EDIL3: variants seen among roughly 807,000 people sequenced by gnomAD.
The protein encoded by EDIL3 is EGF like and discoidin domains 3.
EDIL3 carries 37 observed loss-of-function variants against 67.4 expected under a neutral mutation model. That is an observed-to-expected ratio of 0.55 (90% CI 0.42 to 0.72). The LOEUF (loss-of-function observed/expected upper bound fraction) is 0.72, where lower values mean the gene tolerates loss of function less well. Ranked by LOEUF, EDIL3 falls within the 30% of genes least tolerant of loss-of-function variation. The pLI is 0.00. For synonymous variants in EDIL3, 195 were observed against 196.3 expected (o/e 0.99, Z 0.05); for missense variants, 527 against 586.3 (o/e 0.90, Z 1.04).
At chr5:84,036,681 T>C (rs1746028125) in intron 9 of EDIL3, among the ~76,000 whole-genome samples, 2 of 152,182 alleles carry the variant, frequency 1.3e-5, no homozygotes, top group Admixed American at 1.3e-4. Context: ...CTTGAGGGAT[T>C]CTAGCACAAT....
intron 9 of EDIL3, among the ~76,000 whole-genome samples, chr5:84,053,563 A>G (rs2112227498): frequency 6.6e-6 from 1 of 152,320 alleles, no homozygotes; most frequent in African/African-American, 2.4e-5. Flanking sequence ...GACCGCTAGC[A>G]AGACTAATAA....
intron 1 of EDIL3, among the ~76,000 whole-genome samples, chr5:84,352,211 T>C (rs1359452575): frequency 1.3e-5 from 2 of 152,172 alleles, no homozygotes; most frequent in African/African-American, 2.4e-5. Flanking sequence ...ACAACCTTTA[T>C]GGAAGACACT....
chr5:84,186,695 T>C (rs1161122926), intron 3 of EDIL3, among the ~76,000 whole-genome samples: 1 of 152,054 alleles, frequency 6.6e-6, no homozygotes, highest in Non-Finnish European at 1.5e-5. Flanking sequence ...ATTTGAGGCA[T>C]CTCATATAGT....
intron 4 of EDIL3, among the ~76,000 whole-genome samples, chr5:84,168,955 C>T (rs181928571): frequency 1.1e-4 from 16 of 152,232 alleles, no homozygotes; most frequent in African/African-American, 3.9e-4. Context: ...TTGACTATTG[C>T]TCAGGTCCTC....
chr5:84,126,713 AAC>A (rs535277478), intron 5 of EDIL3, among the ~76,000 whole-genome samples: 36 of 152,250 alleles, frequency 2.4e-4, no homozygotes, highest in African/African-American at 8.4e-4. Context: ...AATACAAATA[AAC>A]AGATGATTTT....
At chr5:84,175,197 T>C (rs530316014) in intron 4 of EDIL3, among the ~76,000 whole-genome samples, 9 of 152,216 alleles carry the variant, frequency 5.9e-5, no homozygotes, top group East Asian at 5.8e-4. Context: ...CTGACATTAA[T>C]AGCAATCCAA....
chr5:84,052,421 C>A (rs1746357836), intron 9 of EDIL3, among the ~76,000 whole-genome samples: 1 of 151,020 alleles, frequency 6.6e-6, no homozygotes, highest in East Asian at 1.9e-4. Flanking sequence ...AAATAGCCAG[C>A]TAACATCATA....
chr5:84,171,014 C>T (rs537197897), intron 4 of EDIL3, among the ~76,000 whole-genome samples: 1 of 151,964 alleles, frequency 6.6e-6, no homozygotes, highest in Admixed American at 6.6e-5. Flanking sequence ...AGTCTGGTCT[C>T]GAACTCCTGG....
At chr5:84,359,877 G>A (rs935423543) in intron 1 of EDIL3, among the ~76,000 whole-genome samples, 6 of 152,072 alleles carry the variant, frequency 3.9e-5, no homozygotes, top group Non-Finnish European at 5.9e-5. Flanking sequence ...TTCAACTCAC[G>A]CAACTAAACT....
intron 4 of EDIL3, among the ~76,000 whole-genome samples, chr5:84,148,492 CTT>C (rs1405130178): frequency 6.6e-6 from 1 of 152,150 alleles, no homozygotes; most frequent in Middle Eastern, 3.2e-3. Flanking sequence ...CACACCAACT[CTT>C]TATCAATTTT....
chr5:84,068,237 C>T lies in EDIL3; in HGVS notation c.652-1631G>A, dbSNP rs114514851. ...TTCATTATCTTATGCATGACATTTT[C>T]TTTTTTTTTAATCTGAGACTCTTTG... On this transcript the variant is annotated intron_variant, in intron 6 of 10. Transcript: ENST00000296591. Among the ~76,000 whole-genome samples, 898 of 151,164 alleles carry T rather than the reference C, an allele frequency of 5.9e-3. 3 individuals are homozygous for T. Among genetic ancestry groups the T allele is most frequent in the Non-Finnish European group, 9.8e-3 (663 of 67,712 alleles).
chr5:84,231,984 AG>A (rs1187773041), intron 2 of EDIL3, among the ~76,000 whole-genome samples: 2 of 152,220 alleles, frequency 1.3e-5, no homozygotes, highest in African/African-American at 4.8e-5. Context: ...ATTTGATAAA[AG>A]AAAGTACAGA....
intron 1 of EDIL3, among the ~76,000 whole-genome samples, chr5:84,322,729 A>T (rs1440386695): frequency 6.6e-6 from 1 of 152,126 alleles, no homozygotes; most frequent in African/African-American, 2.4e-5. Flanking sequence ...ATGAACTTCA[A>T]TTACAATGAA....
intron 5 of EDIL3, among the ~76,000 whole-genome samples, chr5:84,131,105 T>G (rs1280312049): frequency 1.3e-5 from 2 of 152,140 alleles, no homozygotes; most frequent in African/African-American, 4.8e-5. Context: ...TACAGGTATT[T>G]TTTTTTCAAA....
chr5:84,054,437 T>C (rs1746403823), intron 9 of EDIL3, among the ~76,000 whole-genome samples: 1 of 152,142 alleles, frequency 6.6e-6, no homozygotes, highest in Non-Finnish European at 1.5e-5. Context: ...CTATTCAACA[T>C]AGTGTTGGAA....
At chr5:84,090,841 G>A (rs1316368822) in intron 6 of EDIL3, among the ~76,000 whole-genome samples, 1 of 151,858 alleles carries the variant, frequency 6.6e-6, no homozygotes, top group Non-Finnish European at 1.5e-5. Flanking sequence ...CCAGCTACTT[G>A]GGAAGCTGAG....
At chr5:84,351,031 T>C (rs895393385) in intron 1 of EDIL3, among the ~76,000 whole-genome samples, 1 of 152,156 alleles carries the variant, frequency 6.6e-6, no homozygotes, top group Non-Finnish European at 1.5e-5. Flanking sequence ...TTTTAAGTAA[T>C]CAATAGCCAT....
At chr5:84,160,962 G>A (rs145376627) in intron 4 of EDIL3, among the ~76,000 whole-genome samples, 1 of 151,876 alleles carries the variant, frequency 6.6e-6, no homozygotes, top group East Asian at 1.9e-4. Flanking sequence ...ATGGTGTACA[G>A]TACCCATTAT....
chr5:83,969,158 A>G (rs1326267920), intron 9 of EDIL3, among the ~76,000 whole-genome samples: 1 of 151,638 alleles, frequency 6.6e-6, no homozygotes, highest in East Asian at 1.9e-4. Flanking sequence ...ATATTTTTAT[A>G]TTGTCTATTT....
Sources: allele counts gnomAD v4.1 joint callset (sites outside exome capture counted in the v4.1 genomes callset), GRCh38; gene constraint gnomAD v4.1.1; transcripts MANE v1.5; gene names NCBI Gene and HGNC (gene_info 2026-07-23, HGNC 2026-07-21).